The following HLCS variants were observed in gnomAD, a reference collection of about 807,000 sequenced individuals.
The protein encoded by HLCS is holocarboxylase synthetase.
A neutral mutation model predicts 75.0 loss-of-function variants in HLCS; 53 were observed. The ratio of observed to expected loss-of-function variants is 0.71; its 90% CI spans 0.57 to 0.89. HLCS has a LOEUF of 0.89. Among genes scored for constraint, HLCS ranks in the 40% least tolerant of loss-of-function variants. The probability of loss-of-function intolerance (pLI) is 0.00; values close to 1 mark genes in which losing one functional copy is unlikely to be tolerated. For synonymous variants in HLCS, 431 were observed against 428.6 expected (o/e 1.01, Z -0.07); for missense variants, 966 against 1,074.0 (o/e 0.90, Z 1.41).
chr21:36,792,996 A>G (rs1456159372), intron 6 of HLCS, among the ~76,000 whole-genome samples: 1 of 152,158 alleles, frequency 6.6e-6, no homozygotes, highest in East Asian at 1.9e-4. Flanking sequence ...ATGTGTAGTC[A>G]CATGCTCAGC....
At chr21:36,807,886 T>C (rs1269696899) in intron 6 of HLCS, among the ~76,000 whole-genome samples, 1 of 152,190 alleles carries the variant, frequency 6.6e-6, no homozygotes, top group Non-Finnish European at 1.5e-5. Context: ...ATGGGCACAT[T>C]GCACAACTGT....
rs1261821166 is a variant in HLCS at position 36,896,902 on chromosome 21, A to G, written c.1850T>C (p.Leu617Ser). 6.2e-7 allele frequency: 1 copy of G among 1,614,070 alleles called. No homozygotes were observed. Among genetic ancestry groups the G allele is most frequent in the Non-Finnish European group, 8.5e-7 (1 of 1,180,040 alleles). ...CGTTGTGGGGGTCACTTCGGCAAAC[A>G]AAATTACTTTCCCCAACTGCTTGGT... Reference protein sequence around the residue: ...LQTKQLGKVILFAEVTPTTMR... With the variant: ...LQTKQLGKVISFAEVTPTTMR... Residue 617 changes from leucine (L) to serine (S), a missense_variant, in exon 6 of 11, where the codon TTG becomes TCG. Coordinates refer to ENST00000674895, the MANE Select transcript of HLCS (RefSeq NM_001352514.2).
At chr21:36,833,593 TTATA>T (rs56412653) in intron 6 of HLCS, among the ~76,000 whole-genome samples, 45 of 140,008 alleles carry the variant, frequency 3.2e-4, no homozygotes, top group African/African-American at 1.1e-3. Context: ...TAAAAAAAAA[TTATA>T]TATATATATA....
At chr21:36,917,595 G>A (rs1467721084) in intron 5 of HLCS, among the ~76,000 whole-genome samples, 1 of 152,196 alleles carries the variant, frequency 6.6e-6, no homozygotes, top group African/African-American at 2.4e-5. Context: ...CTGGCTGTAA[G>A]GGCTACAGCC....
chr21:36,845,863 G>A (rs143968481), intron 6 of HLCS, among the ~76,000 whole-genome samples: 136 of 152,140 alleles, frequency 8.9e-4, no homozygotes, highest in African/African-American at 3.0e-3. Context: ...GATGGCCACC[G>A]GAGTATATTA....
intron 5 of HLCS, among the ~76,000 whole-genome samples, chr21:36,909,661 T>C (rs142272977): frequency 2.0e-4 from 31 of 152,306 alleles, no homozygotes; most frequent in African/African-American, 6.7e-4. Context: ...GACGTGATCA[T>C]AGATCACTGT....
intron 2 of HLCS, among the ~76,000 whole-genome samples, chr21:36,944,536 A>ATTTT (rs2067293701): frequency 1.3e-5 from 2 of 152,214 alleles, no homozygotes; most frequent in African/African-American, 4.8e-5. Flanking sequence ...TTAAAAATTA[A>ATTTT]TATACAACAA....
intron 1 of HLCS, among the ~76,000 whole-genome samples, chr21:36,988,107 GA>G (rs1378669499): frequency 1.3e-5 from 2 of 152,000 alleles, no homozygotes; most frequent in Non-Finnish European, 2.9e-5. Context: ...AACATGTTTT[GA>G]AAAGTCAAAA....
chr21:36,765,505 T>C (rs925429493), intron 7 of HLCS, among the ~76,000 whole-genome samples: 6 of 152,272 alleles, frequency 3.9e-5, no homozygotes, highest in African/African-American at 1.2e-4. Flanking sequence ...AACACAGACA[T>C]TGGGAAACTG....
intron 3 of HLCS, 77 bp downstream of exon 3, chr21:36,938,755 C>T (rs1460994825): frequency 4.8e-6 from 7 of 1,452,314 alleles, no homozygotes; most frequent in Admixed American, 3.3e-5. Context: ...CCTCCTGCCT[C>T]GGCCTTCCAA....
At chr21:36,820,689 A>C (rs2061811953) in intron 6 of HLCS, among the ~76,000 whole-genome samples, 1 of 152,264 alleles carries the variant, frequency 6.6e-6, no homozygotes, top group Admixed American at 6.5e-5. Flanking sequence ...GCCCTTCAGC[A>C]TGAACAGCCT....
Position 36,753,923 on chromosome 21 carries a change from C to T in HLCS, c.*323G>A, listed in dbSNP as rs1568954867. 2.4e-6 allele frequency: 1 copy of T among 419,766 alleles called. No homozygotes were observed. Among genetic ancestry groups the T allele is most frequent in the Admixed American group, 3.7e-5 (1 of 26,770 alleles). 26.0% of individuals were successfully genotyped at this position (419,766 alleles called of 1,614,324 possible). On this transcript the variant is annotated 3_prime_UTR_variant, in exon 11 of 11. Transcript: ENST00000674895. The surrounding 1 kb of genome is among the most constrained non-coding windows in gnomAD (Gnocchi z 4.3). ...AAGGTCTGCACTACTAAGAAAATAT[C>T]TGAATTTTCCCATTGTCATTTCCAT...
intron 6 of HLCS, among the ~76,000 whole-genome samples, chr21:36,840,521 C>T (rs1219572562): frequency 6.6e-6 from 1 of 152,134 alleles, no homozygotes; most frequent in African/African-American, 2.4e-5. Context: ...TATTTTAAAA[C>T]TAAGTAGTGA....
chr21:36,767,672 G>A (rs1430907369), intron 6 of HLCS, among the ~76,000 whole-genome samples: 2 of 151,524 alleles, frequency 1.3e-5, no homozygotes, highest in Non-Finnish European at 2.9e-5. Context: ...AGCAATTCCT[G>A]ACATTTGTTC....
chr21:36,930,691 C>G (rs2066599695), intron 4 of HLCS, among the ~76,000 whole-genome samples: 1 of 152,002 alleles, frequency 6.6e-6, no homozygotes. Context: ...CACATCACAC[C>G]CAGATAGCTC....
rs996260244 is a variant in HLCS, at chr21:36,753,357, C to G, written c.*889G>C. The G allele has an allele frequency of 6.6e-6, 1 of 152,182 alleles. No individual in the cohort carries two copies. The highest frequency in any genetic ancestry group is 2.4e-5 in the African/African-American group (1 of 41,426). The allele number at this position is 152,182 out of a possible 1,614,324, so 9.4% of individuals were successfully genotyped here. ...GAATGCTCCACATTTCAGAGTAAAT[C>G]TGAAACTGGCTTAAAAGCTCCAAAT... On this transcript the variant is annotated 3_prime_UTR_variant, in exon 11 of 11. Coordinates refer to ENST00000674895, the MANE Select transcript of HLCS (RefSeq NM_001352514.2). This position sits in a 1 kb window ranked among gnomAD's most constrained non-coding sequence, Gnocchi z 4.3.
chr21:36,899,832 A>G (rs544404995), intron 5 of HLCS, among the ~76,000 whole-genome samples: 13 of 152,320 alleles, frequency 8.5e-5, no homozygotes, highest in African/African-American at 2.4e-4. Flanking sequence ...GTCCGGGCGC[A>G]GTGGCTCAGG....
chr21:36,947,444 C>A, intron 2 of HLCS: 1 of 985,346 alleles, frequency 1.0e-6, no homozygotes, highest in Non-Finnish European at 1.2e-6. Context: ...GTCACTGATA[C>A]GTCGTCCAGG....
intron 1 of HLCS, among the ~76,000 whole-genome samples, chr21:36,977,466 C>T (rs1034763932): frequency 5.9e-5 from 9 of 152,184 alleles, no homozygotes; most frequent in African/African-American, 2.2e-4. Context: ...TCCTAACAAT[C>T]GTGACTCATT....
Sources: allele counts gnomAD v4.1 joint callset (sites outside exome capture counted in the v4.1 genomes callset), GRCh38; gene constraint gnomAD v4.1.1; non-coding constraint Gnocchi (gnomAD v3.1); transcripts MANE v1.5; gene names NCBI Gene and HGNC (gene_info 2026-07-23, HGNC 2026-07-21).